The following FAT3 variants were observed in gnomAD, a reference collection of about 807,000 sequenced individuals.
FAT3 encodes FAT atypical cadherin 3.
Under a neutral mutation model 310.2 loss-of-function variants are expected in FAT3, and 95 were observed. The observed-to-expected ratio is 0.31, with a 90% CI of 0.26 to 0.36. FAT3 has a LOEUF of 0.36. Ranked by LOEUF, FAT3 falls within the 10% of genes least tolerant of loss-of-function variation. The pLI is 1.00. For missense variants in FAT3, 5,408 were observed against 5,715.6 expected, an observed-to-expected ratio of 0.95 and a Z score of 1.74; for synonymous variants, 2,314 against 2,192.9, an observed-to-expected ratio of 1.06 and a Z score of -1.54.
chr11:92,769,114 T>C (rs1251684010), intron 6 of FAT3, among the ~76,000 whole-genome samples: 1 of 152,190 alleles, frequency 6.6e-6, no homozygotes, highest in African/African-American at 2.4e-5. Flanking sequence ...AGCAAGATTT[T>C]GTTCCAAGCC....
rs1565250433 is a variant in FAT3, at chr11:92,353,816, A to G, written c.1704A>G (p.Ile568Met). 6.2e-7 allele frequency: 1 copy of G among 1,613,600 alleles called. No individual in the cohort carries two copies. Among genetic ancestry groups the G allele is most frequent in the Non-Finnish European group, 8.5e-7 (1 of 1,179,720 alleles). The change falls in exon 2 of 28, where the codon ATA becomes ATG. Residue 568 changes from isoleucine to methionine, a missense_variant. By Grantham distance (10) the Ile-to-Met change is conservative. Coordinates refer to ENST00000525166, the MANE Select transcript of FAT3 (RefSeq NM_001367949.2). Reference protein sequence around the residue: ...HESEVNVTIRIGNVNDNSPLF... With the variant: ...HESEVNVTIRMGNVNDNSPLF... ...GTGAGGTCAATGTGACTATTCGAAT[A>G]GGAAATGTCAACGACAACAGCCCTC...
intron 3 of FAT3, among the ~76,000 whole-genome samples, chr11:92,563,747 A>G (rs1052006981): frequency 1.3e-5 from 2 of 152,166 alleles, no homozygotes; most frequent in South Asian, 2.1e-4. Context: ...ATTCTTAAGG[A>G]AAAGAATTTT....
intron 4 of FAT3, among the ~76,000 whole-genome samples, chr11:92,731,710 A>AG (rs1196701418): frequency 6.6e-6 from 1 of 151,734 alleles, no homozygotes; most frequent in Non-Finnish European, 1.5e-5. Flanking sequence ...GGGAAAAAAA[A>AG]AAGCCCTTAA....
chr11:92,448,468 A>G (rs1170233420), intron 2 of FAT3, among the ~76,000 whole-genome samples: 2 of 152,168 alleles, frequency 1.3e-5, no homozygotes, highest in African/African-American at 4.8e-5. Flanking sequence ...TTTTCATATT[A>G]AGACTGACTT....
intron 1 of FAT3, among the ~76,000 whole-genome samples, chr11:92,341,011 G>A (rs1336520359): frequency 6.6e-6 from 1 of 152,134 alleles, no homozygotes; most frequent in African/African-American, 2.4e-5. Flanking sequence ...CCTCTAGGGG[G>A]CAGCATTCTA....
chr11:92,266,546 G>T (rs1841033), intron 1 of FAT3, among the ~76,000 whole-genome samples: 115,675 of 152,022 alleles, frequency 0.76, 44,621 homozygotes, highest in African/African-American at 0.88. Flanking sequence ...GCGGGTATAT[G>T]TTATATTAGG....
At chr11:92,661,511 G>A (rs1054340021) in intron 3 of FAT3, among the ~76,000 whole-genome samples, 4 of 151,996 alleles carry the variant, frequency 2.6e-5, no homozygotes, top group Non-Finnish European at 4.4e-5. Context: ...AGTTTCACAT[G>A]TGGAATCTGA....
At chr11:92,685,766 C>T (rs1943618456) in intron 3 of FAT3, among the ~76,000 whole-genome samples, 1 of 151,820 alleles carries the variant, frequency 6.6e-6, no homozygotes, top group Non-Finnish European at 1.5e-5. Context: ...TATGGTTGCC[C>T]TGGAGAAGTC....
chr11:92,887,162 T>TC (rs1234331043), intron 25 of FAT3, 49 bp downstream of exon 25: 3 of 1,497,100 alleles, frequency 2.0e-6, no homozygotes, highest in Non-Finnish European at 2.7e-6. Context: ...TGCTTCCTGT[T>TC]CTGGAAGACC....
chr11:92,712,593 G>GA (rs5793618), intron 4 of FAT3, among the ~76,000 whole-genome samples: 85,116 of 151,648 alleles, frequency 0.56, 25,417 homozygotes, highest in African/African-American at 0.78. Flanking sequence ...GAATTAAAAT[G>GA]AAAAAAAATA....
At chr11:92,260,899 TA>T (rs1327625680) in intron 1 of FAT3, among the ~76,000 whole-genome samples, 1 of 152,006 alleles carries the variant, frequency 6.6e-6, no homozygotes, top group African/African-American at 2.4e-5. Context: ...AGACAGACAG[TA>T]AAAAAACTTA....
chr11:92,797,738 T>G (rs1947212566), intron 9 of FAT3, 98 bp from the exon 10 acceptor site: 1 of 1,014,668 alleles, frequency 9.9e-7, no homozygotes, highest in African/African-American at 1.6e-5. Flanking sequence ...GCTTTCTACT[T>G]GCCACATTGC....
At chr11:92,377,963 T>G (rs1949390978) in intron 2 of FAT3, among the ~76,000 whole-genome samples, 1 of 152,202 alleles carries the variant, frequency 6.6e-6, no homozygotes, top group Non-Finnish European at 1.5e-5. Context: ...AAGCTTTGAA[T>G]AATGTATGTT....
intron 6 of FAT3, among the ~76,000 whole-genome samples, chr11:92,772,647 A>G (rs1946488631): frequency 6.6e-6 from 1 of 152,156 alleles, no homozygotes; most frequent in South Asian, 2.1e-4. Flanking sequence ...ATAATCTCCA[A>G]GCAATTCTCT....
intron 1 of FAT3, among the ~76,000 whole-genome samples, chr11:92,348,481 A>G (rs1237041054): frequency 2.0e-5 from 3 of 152,258 alleles, no homozygotes; most frequent in Non-Finnish European, 2.9e-5. Context: ...ATTTGTAAAA[A>G]GTAACTATCC....
chr11:92,608,852 T>C (rs758201136), intron 3 of FAT3, among the ~76,000 whole-genome samples: 2 of 152,008 alleles, frequency 1.3e-5, no homozygotes, highest in Non-Finnish European at 2.9e-5. Flanking sequence ...CCAGGAAACA[T>C]TGAGAACCTC....
chr11:92,376,982 T>C (rs1012219922), intron 2 of FAT3, among the ~76,000 whole-genome samples: 4 of 152,198 alleles, frequency 2.6e-5, no homozygotes, highest in African/African-American at 7.2e-5. Context: ...AGGCCATAAA[T>C]ACAGTGTAAA....
intron 13 of FAT3, among the ~76,000 whole-genome samples, chr11:92,820,916 G>A (rs558292410): frequency 1.3e-5 from 2 of 152,104 alleles, no homozygotes; most frequent in Non-Finnish European, 2.9e-5. Context: ...CTTTTCACAG[G>A]TTCTACTCTC....
chr11:92,695,492 C>A (rs1198120818), intron 3 of FAT3, among the ~76,000 whole-genome samples: 1 of 152,066 alleles, frequency 6.6e-6, no homozygotes, highest in African/African-American at 2.4e-5. Flanking sequence ...AGGAACTCTG[C>A]AAACTTTATG....
Sources: allele counts gnomAD v4.1 joint callset (sites outside exome capture counted in the v4.1 genomes callset), GRCh38; gene constraint gnomAD v4.1.1; transcripts MANE v1.5; gene names NCBI Gene and HGNC (gene_info 2026-07-23, HGNC 2026-07-21).